The following KCNQ1OT1 variants were observed in gnomAD, a reference collection of about 807,000 sequenced individuals.
KCNQ1OT1 encodes KCNQ1 opposite strand/antisense transcript 1.
exon 1 of KCNQ1OT1, chr11:2,644,325 G>A (rs946727774): frequency 2.5e-6 from 1 of 398,036 alleles, no homozygotes; most frequent in Non-Finnish European, 4.4e-6. Flanking sequence ...TTATCTTCAA[G>A]GTGTGAAATT....
At chr11:2,644,948 C>A in exon 1 of KCNQ1OT1, 1 of 398,592 alleles carries the variant, frequency 2.5e-6, no homozygotes, top group Non-Finnish European at 4.4e-6. Context: ...CAGTGGCTGG[C>A]CCCGAATGCT....
exon 1 of KCNQ1OT1, chr11:2,618,595 C>T: frequency 2.5e-6 from 1 of 398,498 alleles, no homozygotes; most frequent in Admixed American, 4.4e-5. Flanking sequence ...ACTGTTTGAT[C>T]AATAGTTTTG....
chr11:2,694,267 C>A, exon 1 of KCNQ1OT1: 1 of 398,658 alleles, frequency 2.5e-6, no homozygotes, highest in Non-Finnish European at 4.4e-6. Flanking sequence ...CTTTAAAGAG[C>A]CACAGCAGAG....
exon 1 of KCNQ1OT1, chr11:2,637,440 T>C (rs1208069395): frequency 1.3e-5 from 2 of 152,284 alleles, no homozygotes; most frequent in East Asian, 3.8e-4. Flanking sequence ...TTTCGTTATG[T>C]ACCCAGTAGT....
exon 1 of KCNQ1OT1, chr11:2,640,741 T>C (rs1589998829): frequency 2.5e-6 from 1 of 398,432 alleles, no homozygotes; most frequent in African/African-American, 2.1e-5. Flanking sequence ...TTGTTAAATA[T>C]AGTCAACCAA....
rs974805151 is a variant in KCNQ1OT1, at chr11:2,679,306, G to A, written n.20689C>T. 6 of 398,412 alleles carry A rather than the reference G, an allele frequency of 1.5e-5. No homozygotes were observed. Among genetic ancestry groups the A allele is most frequent in the Non-Finnish European group, 2.7e-5 (6 of 226,060 alleles). The allele number at this position is 398,412 out of a possible 1,614,324, so 24.7% of individuals were successfully genotyped here. On this transcript the variant is annotated non_coding_transcript_exon_variant, in exon 1 of 1. Coordinates refer to ENST00000597346, the Ensembl canonical transcript of KCNQ1OT1. The surrounding 1 kb of genome is among the most constrained non-coding windows in gnomAD (Gnocchi z 4.8). Reference sequence around the variant, plus strand: ...AGCCAAAGACAGGGGCTAATAACAGGGTCTGGAGTCTGAACTCATATCCTA... The same window carrying A: ...AGCCAAAGACAGGGGCTAATAACAGAGTCTGGAGTCTGAACTCATATCCTA...
exon 1 of KCNQ1OT1, chr11:2,646,539 G>T: frequency 2.5e-6 from 1 of 398,534 alleles, no homozygotes; most frequent in Non-Finnish European, 4.4e-6. Context: ...GGAGGCAGGG[G>T]AGTGCAGACA....
At position 2,653,098 on chromosome 11, in the gene KCNQ1OT1, G is replaced by T; in HGVS notation, n.46897C>A. The T allele has an allele frequency of 2.5e-6, 1 of 398,712 alleles. No individual in the cohort carries two copies. The highest frequency in any genetic ancestry group is 4.4e-6 in the Non-Finnish European group (1 of 226,126). 24.7% of individuals were successfully genotyped at this position (398,712 alleles called of 1,614,324 possible). A position where few individuals can be genotyped will look rare whatever the true frequency, so the allele number is the denominator to read the frequency against. On this transcript the variant is annotated non_coding_transcript_exon_variant, in exon 1 of 1. Coordinates refer to ENST00000597346, the Ensembl canonical transcript of KCNQ1OT1. The surrounding 1 kb of genome is among the most constrained non-coding windows in gnomAD (Gnocchi z 5.3). ...CTCATACAGCAGGGTGTGGAGAGAG[G>T]CTCACTGAAGGTTTGGGGAGATGAG...
At chr11:2,625,304 G>A in exon 1 of KCNQ1OT1, 1 of 398,602 alleles carries the variant, frequency 2.5e-6, no homozygotes, top group Non-Finnish European at 4.4e-6. Flanking sequence ...AGGCTGGAAT[G>A]CAGTGGCATG....
exon 1 of KCNQ1OT1, chr11:2,635,789 A>T (rs1486778056): frequency 6.6e-6 from 1 of 152,162 alleles, no homozygotes; most frequent in Admixed American, 6.5e-5. Flanking sequence ...GGCCATTTTC[A>T]TGATACTGAT....
rs144309171 is a variant in KCNQ1OT1, at chr11:2,679,886, ATT to A, written n.20107_20108del. ...TATAAACTTAGAACTAGCACGCCTA[ATT>A]TTTTTTTTATTTTTATTTTTTTTGA... On this transcript the variant is annotated non_coding_transcript_exon_variant, in exon 1 of 1. Coordinates refer to ENST00000597346, the Ensembl canonical transcript of KCNQ1OT1. This position sits in a 1 kb window ranked among gnomAD's most constrained non-coding sequence, Gnocchi z 4.8. The A allele has an allele frequency of 5.2e-6, 2 of 381,574 alleles. No homozygotes were observed. The highest frequency in any genetic ancestry group is 7.4e-5 in the East Asian group (2 of 27,036). The allele number at this position is 381,574 out of a possible 1,614,324, so 23.6% of individuals were successfully genotyped here.
chr11:2,622,478 T>C (rs545298494), exon 1 of KCNQ1OT1: 1 of 398,468 alleles, frequency 2.5e-6, no homozygotes, highest in African/African-American at 2.1e-5. Flanking sequence ...CATAGGTTGA[T>C]GGTTTTCTTT....
At position 2,617,967 on chromosome 11, in the gene KCNQ1OT1, T is replaced by C. The variant is rs1043220127; in HGVS notation, n.82028A>G. The stretch of plus-strand genomic sequence containing the variant: ...TAAGATATATGGTTGGCAAATATTT[T>C]CTTCTAGTCCATAGGTTGCCTTTTC... On this transcript the variant is annotated non_coding_transcript_exon_variant, in exon 1 of 1. Transcript: ENST00000597346. The surrounding 1 kb of genome is among the most constrained non-coding windows in gnomAD (Gnocchi z 4.6). 1.0e-5 allele frequency: 4 copies of C among 398,584 alleles called. No homozygotes were observed. The highest frequency in any genetic ancestry group is 8.2e-5 in the African/African-American group (4 of 48,746). The allele number at this position is 398,584 out of a possible 1,614,324, so 24.7% of individuals were successfully genotyped here. A position where few individuals can be genotyped will look rare whatever the true frequency, so the allele number is the denominator to read the frequency against.
chr11:2,609,927 A>G (rs1315449222), exon 1 of KCNQ1OT1: 2 of 398,008 alleles, frequency 5.0e-6, no homozygotes, highest in Non-Finnish European at 8.9e-6. Flanking sequence ...CCTCATATAG[A>G]TGGAATACAG....
rs1172783043 is a variant in KCNQ1OT1 at position 2,608,683 on chromosome 11, TGAACTCCTGGCCACAAGCAATTCTC to T, written n.91287_91311del. 8,656 of 397,144 alleles carry T rather than the reference TGAACTCCTGGCCACAAGCAATTCTC, an allele frequency of 0.022. 617 individuals carry two copies. The highest frequency in any genetic ancestry group is 0.16 in the African/African-American group (7,671 of 47,352). 24.6% of individuals were successfully genotyped at this position (397,144 alleles called of 1,614,324 possible). ...CTTGCTTTGTTGTGCATGCTATTCT[TGAACTCCTGGCCACAAGCAATTCTC>T]GAACTCCTGGCCACAAGCAATTCTC... On this transcript the variant is annotated non_coding_transcript_exon_variant, in exon 1 of 1. Coordinates refer to ENST00000597346, the Ensembl canonical transcript of KCNQ1OT1. This position sits in a 1 kb window ranked among gnomAD's most constrained non-coding sequence, Gnocchi z 4.6.
Position 2,654,869 on chromosome 11 carries a change from C to G in KCNQ1OT1, n.45126G>C. On this transcript the variant is annotated non_coding_transcript_exon_variant, in exon 1 of 1. Coordinates refer to ENST00000597346, the Ensembl canonical transcript of KCNQ1OT1. This position sits in a 1 kb window ranked among gnomAD's most constrained non-coding sequence, Gnocchi z 6.4. ...GGCAGCTCCAGGCCAGGTGGAGGGACATATTCTGGCAACTCTAGGATAAGA... is the reference window on the plus strand; with the variant it reads ...GGCAGCTCCAGGCCAGGTGGAGGGAGATATTCTGGCAACTCTAGGATAAGA... 1 of 398,560 alleles carries G rather than the reference C, an allele frequency of 2.5e-6. No individual in the cohort carries two copies. The highest frequency in any genetic ancestry group is 1.3e-4 in the South Asian group (1 of 7,852). The allele number at this position is 398,560 out of a possible 1,614,324, so 24.7% of individuals were successfully genotyped here. A position where few individuals can be genotyped will look rare whatever the true frequency, so the allele number is the denominator to read the frequency against.
In KCNQ1OT1 at chr11:2,632,205, A is replaced by C. The variant is rs922378162; in HGVS notation, n.67790T>G. 7 of 388,544 alleles carry C rather than the reference A, an allele frequency of 1.8e-5. No homozygotes were observed. In the South Asian group the frequency reaches 9.4e-4, roughly 52 times the overall value. The allele number at this position is 388,544 out of a possible 1,614,324, so 24.1% of individuals were successfully genotyped here. A position where few individuals can be genotyped will look rare whatever the true frequency, so the allele number is the denominator to read the frequency against. ...CTCAAAAAAAAAAAAAAAAAAAAAG[A>C]AATGCAACTGAATTTTGTGTACTGA... On this transcript the variant is annotated non_coding_transcript_exon_variant, in exon 1 of 1. Transcript: ENST00000597346.
In KCNQ1OT1 at chr11:2,658,798, C is replaced by T; in HGVS notation, n.41197G>A. 1 of 398,506 alleles carries T rather than the reference C, an allele frequency of 2.5e-6. No homozygotes were observed. The highest frequency in any genetic ancestry group is 4.4e-6 in the Non-Finnish European group (1 of 226,056). 24.7% of individuals were successfully genotyped at this position (398,506 alleles called of 1,614,324 possible). ...TTCTGACCAGAGTTCATCCTTGCCC[C>T]CTCCCCCACAACTTATTTATAGCTT... On this transcript the variant is annotated non_coding_transcript_exon_variant, in exon 1 of 1. Coordinates refer to ENST00000597346, the Ensembl canonical transcript of KCNQ1OT1. The surrounding 1 kb of genome is among the most constrained non-coding windows in gnomAD (Gnocchi z 4.9).
chr11:2,614,088 T>G (rs1382851686), exon 1 of KCNQ1OT1: 1 of 398,444 alleles, frequency 2.5e-6, no homozygotes, highest in Non-Finnish European at 4.4e-6. Context: ...GTAGGTGGTT[T>G]CTAGATGGCA....
Sources: allele counts gnomAD v4.1 joint callset, GRCh38; gene constraint gnomAD v4.1.1; non-coding constraint Gnocchi (gnomAD v3.1); transcripts MANE v1.5; gene names NCBI Gene and HGNC (gene_info 2026-07-23, HGNC 2026-07-21).